Variants in MTA3 observed in about 807,000 individuals in gnomAD.
MTA3 encodes metastasis associated 1 family member 3, also known as metastasis-associated protein MTA3.
Under a neutral mutation model 83.5 loss-of-function variants are expected in MTA3, and 34 were observed. That is an observed-to-expected ratio of 0.41 (90% CI 0.31 to 0.54). MTA3 has a LOEUF of 0.54. Ranked by LOEUF, MTA3 falls within the 20% of genes least tolerant of loss-of-function variation. The pLI is 0.33. For missense variants in MTA3, 761 were observed against 726.4 expected, an observed-to-expected ratio of 1.05 and a Z score of -0.55; for synonymous variants, 303 against 252.7, an observed-to-expected ratio of 1.20 and a Z score of -1.89.
chr2:42,524,687 C>T (rs887140906), intron 2 of MTA3, among the ~76,000 whole-genome samples: 1 of 151,716 alleles, frequency 6.6e-6, no homozygotes, highest in African/African-American at 2.4e-5. Context: ...TCTTCACATA[C>T]CCTGGCCCAA....
chr2:42,714,478 G>A (rs1269548342), intron 14 of MTA3, among the ~76,000 whole-genome samples: 1 of 152,136 alleles, frequency 6.6e-6, no homozygotes, highest in Admixed American at 6.5e-5. Context: ...TATCTTGACA[G>A]GGTTCTTGAA....
intron 3 of MTA3, among the ~76,000 whole-genome samples, chr2:42,590,928 T>C (rs777969857): frequency 2.0e-5 from 3 of 152,214 alleles, no homozygotes; most frequent in Non-Finnish European, 4.4e-5. Context: ...ATTCCACACT[T>C]TGAGGTACTG....
intron 16 of MTA3, among the ~76,000 whole-genome samples, chr2:42,724,833 C>T (rs1031967040): frequency 6.6e-6 from 1 of 152,174 alleles, no homozygotes; most frequent in Non-Finnish European, 1.5e-5. Context: ...TTGTAGTGTT[C>T]CCTCTCTAGG....
In MTA3 at chr2:42,753,477, G is replaced by T. The variant is rs1670032406; in HGVS notation, c.*78G>T. ...GTTCACAGCCGTGCCTGGGAAGAAGGCAGCCCCACTCCCAGTACATTTCAG... is the reference window on the plus strand; with the variant it reads ...GTTCACAGCCGTGCCTGGGAAGAAGTCAGCCCCACTCCCAGTACATTTCAG... On this transcript the variant is annotated 3_prime_UTR_variant, in exon 17 of 17. Coordinates refer to ENST00000405094, the MANE Select transcript of MTA3 (RefSeq NM_001330442.2). The T allele has an allele frequency of 4.5e-6, 7 of 1,548,416 alleles. No homozygotes were observed. The highest frequency in any genetic ancestry group is 1.4e-5 in the African/African-American group (1 of 73,012).
At chr2:42,507,313 G>C (rs1175659244) in intron 2 of MTA3, among the ~76,000 whole-genome samples, 1 of 151,746 alleles carries the variant, frequency 6.6e-6, no homozygotes, top group Non-Finnish European at 1.5e-5. Context: ...CTGGGACTAT[G>C]GGCATGCATG....
intron 8 of MTA3, among the ~76,000 whole-genome samples, chr2:42,678,869 G>A (rs907255586): frequency 3.9e-5 from 6 of 151,974 alleles, no homozygotes; most frequent in African/African-American, 1.4e-4. Context: ...TGACATTTGA[G>A]CTCTCCTACA....
chr2:42,624,928 T>G (rs907085384), intron 4 of MTA3, among the ~76,000 whole-genome samples: 3 of 152,244 alleles, frequency 2.0e-5, no homozygotes, highest in African/African-American at 7.2e-5. Flanking sequence ...TCTGAAATCT[T>G]TTTAGAATTT....
chr2:42,523,313 T>C (rs1179517585), intron 2 of MTA3, among the ~76,000 whole-genome samples: 1 of 152,062 alleles, frequency 6.6e-6, no homozygotes, highest in Non-Finnish European at 1.5e-5. Flanking sequence ...TGGGCAATCT[T>C]TGGGTAAGGT....
At position 42,658,939 on chromosome 2, in the gene MTA3, A is replaced by G. The variant is rs1022304550; in HGVS notation, c.603-824A>G. ...AATTTTTTTTAATTAGCCAAAAAAAAAAAAAAAAAATAGCTGGGCGTGGTG... is the reference window on the plus strand; with the variant it reads ...AATTTTTTTTAATTAGCCAAAAAAAGAAAAAAAAAATAGCTGGGCGTGGTG... On this transcript the variant is annotated intron_variant, in intron 7 of 16. Coordinates refer to ENST00000405094, the MANE Select transcript of MTA3 (RefSeq NM_001330442.2). 1.1e-4 allele frequency among the ~76,000 whole-genome samples: 16 copies of G among 151,366 alleles called. 1 individual carries two copies. Among genetic ancestry groups the G allele is most frequent in the African/African-American group, 3.9e-4 (16 of 41,268 alleles).
At chr2:42,628,279 G>A (rs1686324945) in intron 4 of MTA3, among the ~76,000 whole-genome samples, 1 of 151,314 alleles carries the variant, frequency 6.6e-6, no homozygotes, top group Admixed American at 6.6e-5. Flanking sequence ...CACCCAGACT[G>A]GAGTGCAATG....
intron 16 of MTA3, among the ~76,000 whole-genome samples, chr2:42,739,339 A>G (rs1668853896): frequency 6.6e-6 from 1 of 152,168 alleles, no homozygotes; most frequent in Non-Finnish European, 1.5e-5. Context: ...TCAAAAACAA[A>G]CAGACAATAA....
chr2:42,626,384 G>A (rs1466158842), intron 4 of MTA3, among the ~76,000 whole-genome samples: 1 of 151,640 alleles, frequency 6.6e-6, no homozygotes, highest in Middle Eastern at 3.4e-3. Flanking sequence ...TGCAACCTCT[G>A]CTTCTTGGGC....
chr2:42,531,595 GGCGT>G (rs1675973411), intron 2 of MTA3, among the ~76,000 whole-genome samples: 1 of 151,496 alleles, frequency 6.6e-6, no homozygotes. Context: ...TGGGACTACA[GGCGT>G]GTGCCACCAC....
chr2:42,593,946 ATTAAGTTTTTT>A (rs1681352284), intron 3 of MTA3, among the ~76,000 whole-genome samples: 1 of 114,022 alleles, frequency 8.8e-6, no homozygotes, highest in African/African-American at 3.7e-5. Context: ...CCAGTATAGG[ATTAAGTTTTTT>A]TTTTTTTTTT....
intron 2 of MTA3, among the ~76,000 whole-genome samples, chr2:42,561,469 C>G (rs1041734569): frequency 6.6e-6 from 1 of 151,994 alleles, no homozygotes; most frequent in Non-Finnish European, 1.5e-5. Context: ...ATTACAGGTG[C>G]CTGCCACCAC....
intron 4 of MTA3, among the ~76,000 whole-genome samples, chr2:42,620,027 A>G (rs1158908623): frequency 6.6e-6 from 1 of 152,148 alleles, no homozygotes; most frequent in Non-Finnish European, 1.5e-5. Context: ...TTCATATAAC[A>G]TCAGATTAAC....
At chr2:42,611,585 G>A (rs1235797076) in intron 4 of MTA3, among the ~76,000 whole-genome samples, 1 of 152,076 alleles carries the variant, frequency 6.6e-6, no homozygotes, top group African/African-American at 2.4e-5. Context: ...GGCCTAGGTG[G>A]GAGGAGGATT....
At chr2:42,679,486 C>T (rs2104429652) in intron 8 of MTA3, among the ~76,000 whole-genome samples, 1 of 152,316 alleles carries the variant, frequency 6.6e-6, no homozygotes, top group East Asian at 1.9e-4. Context: ...TCAGATAGGG[C>T]ATGATAGCCT....
intron 2 of MTA3, among the ~76,000 whole-genome samples, chr2:42,554,174 C>T (rs1316504371): frequency 6.8e-6 from 1 of 147,866 alleles, no homozygotes; most frequent in Non-Finnish European, 1.5e-5. Flanking sequence ...ATGGAGTTTG[C>T]AGTGAGCCGA....
Sources: gnomAD v4.1 joint callset for allele counts (sites outside exome capture counted in the v4.1 genomes callset) on GRCh38, gnomAD v4.1.1 for gene constraint, MANE v1.5 for transcripts, NCBI Gene and HGNC (gene_info 2026-07-23, HGNC 2026-07-21) for gene names.